The following CSMD1 variants were observed in gnomAD, a reference collection of about 807,000 sequenced individuals.
CSMD1 encodes CUB and sushi domain-containing protein 1.
CSMD1 carries 213 observed loss-of-function variants against 417.5 expected under a neutral mutation model. The observed-to-expected ratio is 0.51, with a 90% confidence interval of 0.46 to 0.57. The LOEUF (loss-of-function observed/expected upper bound fraction) is 0.57. Among genes scored for constraint, CSMD1 ranks in the 20% least tolerant of loss-of-function variants. CSMD1 has a pLI of 0.00. For synonymous variants in CSMD1, 2,862 were observed against 1,736.8 expected (o/e 1.65, Z -16.11); for missense variants, 6,923 against 4,529.7 (o/e 1.53, Z -15.17).
intron 1 of CSMD1, among the ~76,000 whole-genome samples, chr8:4,801,178 G>A (rs1245110297): frequency 6.6e-6 from 1 of 152,184 alleles, no homozygotes; most frequent in Non-Finnish European, 1.5e-5. Flanking sequence ...CAGACTGTCT[G>A]TGCCCTTTTC....
Position 4,727,189 on chromosome 8 carries a change from T to A in CSMD1, c.86-89631A>T, listed in dbSNP as rs1169426634. Among the ~76,000 whole-genome samples, 7 of 152,236 alleles carry A rather than the reference T, an allele frequency of 4.6e-5. No individual in the cohort carries two copies. The East Asian group carries it at 5.8e-4, about 13-fold the overall frequency. ...TAGGCCAGTAGCTCTCCATTCTCTC[T>A]GAGAAAGGACTGATCAATGATGAAG... On this transcript the variant is annotated intron_variant, in intron 1 of 69. Coordinates refer to ENST00000635120, the MANE Select transcript of CSMD1 (RefSeq NM_033225.6).
In CSMD1 at chr8:3,655,578, C is replaced by G. The variant is rs145262050; in HGVS notation, c.1010-38781G>C. On this transcript the variant is annotated intron_variant, in intron 7 of 69. Coordinates refer to ENST00000635120, the MANE Select transcript of CSMD1 (RefSeq NM_033225.6). Reference sequence around the variant, plus strand: ...GTAAGGTACCAAGAGAGAACCCCCACTGATGAATGCCCGTCCCACCAGGCC... The same window carrying G: ...GTAAGGTACCAAGAGAGAACCCCCAGTGATGAATGCCCGTCCCACCAGGCC... Among the ~76,000 whole-genome samples, 45 of 152,128 alleles carry G rather than the reference C, an allele frequency of 3.0e-4. No individual in the cohort carries two copies. In the East Asian group the frequency reaches 7.2e-3, roughly 24 times the overall value.
At chr8:3,295,249 C>T (rs541917723) in intron 25 of CSMD1, among the ~76,000 whole-genome samples, 43 of 152,106 alleles carry the variant, frequency 2.8e-4, no homozygotes, top group African/African-American at 6.0e-4. Context: ...CTCAGCCTCC[C>T]GAGTAGCTGG....
In CSMD1 at chr8:4,520,199, C is replaced by T. The variant is rs1032908242; in HGVS notation, c.303-100134G>A. 3.3e-5 allele frequency among the ~76,000 whole-genome samples: 5 copies of T among 152,226 alleles called. No homozygotes were observed. In the South Asian group the frequency reaches 6.2e-4, roughly 19 times the overall value. On this transcript the variant is annotated intron_variant, in intron 2 of 69. Transcript: ENST00000635120. ...TTCCAAACTCATAAAAATGCAATAT[C>T]GTGGCAGAAAGATTCTTGTCCTATT...
chr8:3,555,612 C>T (rs1309471595), intron 10 of CSMD1, among the ~76,000 whole-genome samples: 1 of 152,172 alleles, frequency 6.6e-6, no homozygotes, highest in African/African-American at 2.4e-5. Flanking sequence ...ACAGAACAAA[C>T]TTATTTTACA....
At chr8:3,030,436 G>C (rs1585187127) in intron 50 of CSMD1, among the ~76,000 whole-genome samples, 1 of 151,624 alleles carries the variant, frequency 6.6e-6, no homozygotes, top group Admixed American at 6.6e-5. Context: ...AGAGACTATA[G>C]CTATTTTCAG....
At chr8:4,242,698 T>C (rs987625840) in intron 3 of CSMD1, among the ~76,000 whole-genome samples, 2 of 139,778 alleles carry the variant, frequency 1.4e-5, no homozygotes, top group Non-Finnish European at 3.2e-5. Context: ...CTCACTCTGC[T>C]GTGAGTGGAG....
intron 2 of CSMD1, among the ~76,000 whole-genome samples, chr8:4,634,159 T>A (rs1323494622): frequency 6.6e-6 from 1 of 152,096 alleles, no homozygotes; most frequent in Non-Finnish European, 1.5e-5. Context: ...TATTGATGGG[T>A]GCCCAAATCA....
chr8:4,424,313 G>A (rs140212266), intron 2 of CSMD1, among the ~76,000 whole-genome samples: 1 of 151,852 alleles, frequency 6.6e-6, no homozygotes. Context: ...CAAGTATCTA[G>A]AATATACCAT....
chr8:4,734,648 T>A (rs954330397), intron 1 of CSMD1, among the ~76,000 whole-genome samples: 1 of 152,236 alleles, frequency 6.6e-6, no homozygotes, highest in African/African-American at 2.4e-5. Flanking sequence ...ATACTTTTTT[T>A]ATTTTAACAA....
chr8:4,156,747 C>T (rs533745403), intron 3 of CSMD1, among the ~76,000 whole-genome samples: 2 of 152,146 alleles, frequency 1.3e-5, no homozygotes, highest in Admixed American at 6.5e-5. Context: ...CAGCTTCAAC[C>T]TTTGAACAGG....
chr8:4,685,771 A>C (rs994420002), intron 1 of CSMD1, among the ~76,000 whole-genome samples: 1 of 152,176 alleles, frequency 6.6e-6, no homozygotes, highest in African/African-American at 2.4e-5. Context: ...GTGAGAAAAA[A>C]ATATTTATTA....
At chr8:4,202,016 G>C (rs1279867118) in intron 3 of CSMD1, among the ~76,000 whole-genome samples, 1 of 152,036 alleles carries the variant, frequency 6.6e-6, no homozygotes, top group African/African-American at 2.4e-5. Flanking sequence ...TGGATGAGAA[G>C]AAACGAGGAC....
chr8:3,327,255 G>A (rs948499569), intron 23 of CSMD1, among the ~76,000 whole-genome samples: 46 of 151,736 alleles, frequency 3.0e-4, no homozygotes, highest in African/African-American at 1.1e-3. Flanking sequence ...CCATTCTCCT[G>A]CCTCAGCCTC....
At chr8:4,529,761 C>T (rs943553951) in intron 2 of CSMD1, among the ~76,000 whole-genome samples, 1 of 151,984 alleles carries the variant, frequency 6.6e-6, no homozygotes, top group Admixed American at 6.6e-5. Flanking sequence ...GCGGTCCTGA[C>T]AGCAAAAGTT....
chr8:4,849,807 T>G (rs945767223), intron 1 of CSMD1, among the ~76,000 whole-genome samples: 6 of 152,210 alleles, frequency 3.9e-5, no homozygotes, highest in Admixed American at 3.9e-4. Context: ...TTGATGAAAT[T>G]GCCTAACAAA....
At chr8:4,796,927 G>A (rs1042191407) in intron 1 of CSMD1, among the ~76,000 whole-genome samples, 3 of 152,192 alleles carry the variant, frequency 2.0e-5, no homozygotes, top group East Asian at 1.9e-4. Context: ...GAGTGTGGCT[G>A]CATGGAGGGG....
At chr8:4,202,905 T>A (rs1397039384) in intron 3 of CSMD1, among the ~76,000 whole-genome samples, 2 of 152,288 alleles carry the variant, frequency 1.3e-5, no homozygotes, top group Middle Eastern at 3.4e-3. Flanking sequence ...ATGGACTGTG[T>A]GGACACCTGG....
At chr8:4,462,401 A>G (rs551251841) in intron 2 of CSMD1, among the ~76,000 whole-genome samples, 17 of 152,272 alleles carry the variant, frequency 1.1e-4, no homozygotes, top group African/African-American at 3.9e-4. Flanking sequence ...CTTAATATAG[A>G]TAAGATGGCA....
Sources: gnomAD v4.1 joint callset for allele counts (sites outside exome capture counted in the v4.1 genomes callset) on GRCh38, gnomAD v4.1.1 for gene constraint, MANE v1.5 for transcripts, NCBI Gene and HGNC (gene_info 2026-07-23, HGNC 2026-07-21) for gene names.